Variants in KIF6 observed in about 807,000 individuals in gnomAD.
The protein encoded by KIF6 is kinesin-like protein KIF6.
Under a neutral mutation model 112.7 loss-of-function variants are expected in KIF6, and 106 were observed. The observed-to-expected ratio is 0.94, with a 90% CI of 0.80 to 1.11. The LOEUF (loss-of-function observed/expected upper bound fraction) is 1.11. KIF6 is among the 50% of genes least tolerant of loss of function. The pLI, the probability that KIF6 is intolerant of heterozygous loss-of-function variation, is 0.00. For synonymous variants in KIF6, 339 were observed against 339.9 expected (o/e 1.00, Z 0.03); for missense variants, 929 against 964.0 (o/e 0.96, Z 0.48).
chr6:39,444,708 C>T (rs1216369492), intron 13 of KIF6, among the ~76,000 whole-genome samples: 1 of 152,032 alleles, frequency 6.6e-6, no homozygotes, highest in Non-Finnish European at 1.5e-5. Flanking sequence ...TCAATTTTTT[C>T]CAAAACGCTC....
intron 13 of KIF6, among the ~76,000 whole-genome samples, chr6:39,452,643 C>T (rs1231753413): frequency 2.6e-5 from 4 of 152,254 alleles, no homozygotes; most frequent in Non-Finnish European, 5.9e-5. Flanking sequence ...TTACCAAATG[C>T]TGTGATCAAC....
intron 13 of KIF6, among the ~76,000 whole-genome samples, chr6:39,487,924 T>G (rs1000152013): frequency 6.6e-6 from 1 of 152,204 alleles, no homozygotes; most frequent in Non-Finnish European, 1.5e-5. Context: ...ACCCTCAACA[T>G]TGGCCATTTG....
chr6:39,346,000 CTGGG>C (rs199591009), intron 20 of KIF6, among the ~76,000 whole-genome samples: 3,853 of 144,414 alleles, frequency 0.027, 168 homozygotes, highest in African/African-American at 0.091. Context: ...GGCCCCTGCA[CTGGG>C]ATTAGTGTCC....
intron 19 of KIF6, among the ~76,000 whole-genome samples, chr6:39,348,484 A>G (rs1294160785): frequency 6.6e-6 from 1 of 152,150 alleles, no homozygotes; most frequent in African/African-American, 2.4e-5. Flanking sequence ...CTGCTCAAGC[A>G]TCCTGTTCCT....
chr6:39,591,317 A>T (rs1781941873), intron 7 of KIF6, among the ~76,000 whole-genome samples: 1 of 152,220 alleles, frequency 6.6e-6, no homozygotes, highest in Non-Finnish European at 1.5e-5. Flanking sequence ...TGGATTAGAA[A>T]ATATAGTCTC....
At position 39,622,138 on chromosome 6, in the gene KIF6, G is replaced by A. The variant is rs576733996; in HGVS notation, c.510-8820C>T. On this transcript the variant is annotated intron_variant, in intron 5 of 22. Transcript: ENST00000287152. The stretch of plus-strand genomic sequence containing the variant: ...GCCAAGATCACACCACTGCACTCCA[G>A]CCTGGGCAACAAAAGCGAAAATCCA... Among the ~76,000 whole-genome samples, 6 of 150,784 alleles carry A rather than the reference G, an allele frequency of 4.0e-5. No homozygotes were observed. The South Asian group carries it at 1.3e-3, about 31-fold the overall frequency.
At chr6:39,386,932 A>C (rs1332710068) in intron 15 of KIF6, among the ~76,000 whole-genome samples, 2 of 152,322 alleles carry the variant, frequency 1.3e-5, no homozygotes, top group South Asian at 4.1e-4. Context: ...TTCTTTCCTC[A>C]CATAAGTACA....
chr6:39,619,940 A>G (rs753997380), intron 5 of KIF6, among the ~76,000 whole-genome samples: 3 of 152,204 alleles, frequency 2.0e-5, no homozygotes, highest in Non-Finnish European at 2.9e-5. Context: ...TAATCTAACC[A>G]AACTATTCCA....
chr6:39,380,911 T>C (rs1766877183), intron 16 of KIF6, among the ~76,000 whole-genome samples: 1 of 152,252 alleles, frequency 6.6e-6, no homozygotes, highest in Non-Finnish European at 1.5e-5. Flanking sequence ...ATATAACATT[T>C]AATTGTAAAC....
intron 13 of KIF6, among the ~76,000 whole-genome samples, chr6:39,442,744 C>G (rs958160103): frequency 6.6e-6 from 1 of 152,152 alleles, no homozygotes; most frequent in South Asian, 2.1e-4. Flanking sequence ...TGGAAGAACG[C>G]GTGTGTCTGA....
intron 13 of KIF6, among the ~76,000 whole-genome samples, chr6:39,460,679 A>T (rs941097427): frequency 2.0e-5 from 3 of 152,144 alleles, no homozygotes; most frequent in Non-Finnish European, 1.5e-5. Context: ...TACTTTTACC[A>T]TATTGAGAGA....
At chr6:39,435,379 A>T (rs1038905779) in intron 13 of KIF6, among the ~76,000 whole-genome samples, 8 of 152,210 alleles carry the variant, frequency 5.3e-5, no homozygotes, top group African/African-American at 1.7e-4. Context: ...GGTATTTAAA[A>T]AAATTTTTTT....
At chr6:39,391,230 C>T (rs148927255) in intron 15 of KIF6, among the ~76,000 whole-genome samples, 3 of 152,130 alleles carry the variant, frequency 2.0e-5, no homozygotes, top group African/African-American at 7.2e-5. Context: ...GGAGCTGAGG[C>T]CTTGAACTTG....
At chr6:39,362,837 T>A (rs184601545) in intron 16 of KIF6, among the ~76,000 whole-genome samples, 96 of 152,304 alleles carry the variant, frequency 6.3e-4, no homozygotes, top group Non-Finnish European at 1.0e-3. Context: ...AAAATAGCAT[T>A]TCCCCATCCT....
At chr6:39,716,372 C>A (rs1049548106) in intron 2 of KIF6, among the ~76,000 whole-genome samples, 2 of 152,084 alleles carry the variant, frequency 1.3e-5, no homozygotes, top group Non-Finnish European at 1.5e-5. Flanking sequence ...ACAAGCAATC[C>A]AGATCTCCCT....
intron 13 of KIF6, among the ~76,000 whole-genome samples, chr6:39,534,818 T>C (rs947358660): frequency 5.3e-5 from 8 of 152,154 alleles, no homozygotes; most frequent in South Asian, 2.1e-4. Context: ...GGGAGAAAGG[T>C]TGGGTTACCC....
At chr6:39,451,612 C>A (rs1772707123) in intron 13 of KIF6, among the ~76,000 whole-genome samples, 1 of 152,122 alleles carries the variant, frequency 6.6e-6, no homozygotes, top group Admixed American at 6.5e-5. Context: ...ATGTGTACAT[C>A]TATATGTATA....
chr6:39,634,592 A>G (rs1784525110), intron 5 of KIF6, among the ~76,000 whole-genome samples: 1 of 152,132 alleles, frequency 6.6e-6, no homozygotes, highest in Admixed American at 6.6e-5. Context: ...CCAATCTTAG[A>G]GAAAATTCAT....
intron 10 of KIF6, among the ~76,000 whole-genome samples, chr6:39,555,266 C>T (rs1779631691): frequency 6.6e-6 from 1 of 152,098 alleles, no homozygotes. Flanking sequence ...GGCACAGAAC[C>T]TAGGACCCAC....
Sources: gnomAD v4.1 joint callset for allele counts (sites outside exome capture counted in the v4.1 genomes callset) on GRCh38, gnomAD v4.1.1 for gene constraint, MANE v1.5 for transcripts, NCBI Gene and HGNC (gene_info 2026-07-23, HGNC 2026-07-21) for gene names.